The following DAPK1 variants were observed in gnomAD, a reference collection of about 807,000 sequenced individuals.
The protein encoded by DAPK1 is death associated protein kinase 1.
A neutral mutation model predicts 144.9 loss-of-function variants in DAPK1; 56 were observed. The observed-to-expected ratio is 0.39, with a 90% CI of 0.31 to 0.48. The LOEUF is 0.48. Ranked by LOEUF, DAPK1 falls within the 20% of genes least tolerant of loss-of-function variation. The pLI is 0.95. For synonymous variants in DAPK1, 690 were observed against 749.0 expected, an observed-to-expected ratio of 0.92 and a Z score of 1.29; for missense variants, 1,454 against 1,875.4, an observed-to-expected ratio of 0.78 and a Z score of 4.15.
chr9:87,630,951 A>G (rs140269781), intron 3 of DAPK1, among the ~76,000 whole-genome samples: 52 of 152,322 alleles, frequency 3.4e-4, no homozygotes, highest in African/African-American at 1.0e-3. Context: ...CTGGTTACTC[A>G]ACCCTCTCAT....
chr9:87,520,894 G>A (rs965859899), intron 2 of DAPK1, among the ~76,000 whole-genome samples: 5 of 152,140 alleles, frequency 3.3e-5, no homozygotes, highest in Admixed American at 2.0e-4. Context: ...CAAACTATGT[G>A]CACTCTTTAT....
At chr9:87,561,885 A>G (rs1826939661) in intron 2 of DAPK1, among the ~76,000 whole-genome samples, 1 of 152,102 alleles carries the variant, frequency 6.6e-6, no homozygotes, top group Admixed American at 6.6e-5. Flanking sequence ...TGCATCCACC[A>G]TGCCCAGGGT....
intron 2 of DAPK1, among the ~76,000 whole-genome samples, chr9:87,538,084 A>G (rs1187508538): frequency 3.3e-5 from 5 of 152,228 alleles, no homozygotes; most frequent in African/African-American, 1.2e-4. Flanking sequence ...TTAAAGCTAC[A>G]ATCTCAATGT....
chr9:87,533,813 C>A (rs909942676), intron 2 of DAPK1, among the ~76,000 whole-genome samples: 2 of 152,206 alleles, frequency 1.3e-5, no homozygotes, highest in Admixed American at 6.5e-5. Flanking sequence ...CAGGCATATG[C>A]CTCCATGCCC....
intron 2 of DAPK1, among the ~76,000 whole-genome samples, chr9:87,535,140 T>C (rs548335737): frequency 1.3e-5 from 2 of 152,264 alleles, no homozygotes; most frequent in East Asian, 3.9e-4. Flanking sequence ...TGTGTGTTTC[T>C]AGCCCCAGGC....
intron 2 of DAPK1, among the ~76,000 whole-genome samples, chr9:87,601,920 A>G (rs921038631): frequency 1.3e-5 from 2 of 152,136 alleles, no homozygotes; most frequent in Non-Finnish European, 2.9e-5. Flanking sequence ...GCTGCAGCAT[A>G]TGTGCATTGT....
intron 25 of DAPK1, 114 bp downstream of exon 25, chr9:87,703,331 C>T: frequency 1.6e-6 from 1 of 629,294 alleles, no homozygotes; most frequent in South Asian, 1.9e-5. Context: ...TGGAAATGGT[C>T]CAGCTAACCT....
chr9:87,589,481 A>G (rs1828052459), intron 2 of DAPK1, among the ~76,000 whole-genome samples: 1 of 152,080 alleles, frequency 6.6e-6, no homozygotes, highest in Admixed American at 6.5e-5. Flanking sequence ...GAGGGGCTGC[A>G]TTCACACCAT....
intron 2 of DAPK1, among the ~76,000 whole-genome samples, chr9:87,526,147 T>C (rs1411957472): frequency 1.3e-5 from 2 of 149,114 alleles, no homozygotes; most frequent in Admixed American, 1.3e-4. Context: ...GTCTCTACAA[T>C]TAAAAAAAAA....
intron 17 of DAPK1, among the ~76,000 whole-genome samples, chr9:87,653,983 C>G (rs763986811): frequency 4.6e-5 from 7 of 152,208 alleles, no homozygotes; most frequent in Admixed American, 1.3e-4. Context: ...CATGAGCCAT[C>G]ACACCTGGCC....
intron 2 of DAPK1, among the ~76,000 whole-genome samples, chr9:87,557,712 G>T (rs551728265): frequency 2.0e-5 from 3 of 152,202 alleles, no homozygotes; most frequent in Non-Finnish European, 2.9e-5. Flanking sequence ...AGGCCAAGGT[G>T]GGTGGATCAC....
At chr9:87,525,570 C>T in intron 2 of DAPK1, 2 of 877,006 alleles carry the variant, frequency 2.3e-6, no homozygotes, top group Non-Finnish European at 1.8e-6. Context: ...AAAACAACAA[C>T]AAAAAATGCG....
At chr9:87,559,059 CCTT>C (rs1185736014) in intron 2 of DAPK1, among the ~76,000 whole-genome samples, 5 of 152,178 alleles carry the variant, frequency 3.3e-5, no homozygotes, top group African/African-American at 9.7e-5. Context: ...GCTATCTCCT[CCTT>C]CTCCCCAACA....
intron 2 of DAPK1, among the ~76,000 whole-genome samples, chr9:87,524,737 G>A (rs1054429571): frequency 6.6e-6 from 1 of 152,214 alleles, no homozygotes; most frequent in Non-Finnish European, 1.5e-5. Context: ...AATGGCAATT[G>A]CAGTAAACCG....
chr9:87,669,771 G>T (rs369490357), intron 19 of DAPK1, among the ~76,000 whole-genome samples: 16 of 150,962 alleles, frequency 1.1e-4, no homozygotes, highest in African/African-American at 3.6e-4. Flanking sequence ...GGCAGGGGGG[G>T]GCCACAGATT....
chr9:87,665,253 T>G (rs1354028338), intron 18 of DAPK1, among the ~76,000 whole-genome samples: 3 of 152,176 alleles, frequency 2.0e-5, no homozygotes, highest in Non-Finnish European at 4.4e-5. Flanking sequence ...GGACTTTTGT[T>G]GGTTTTATTC....
intron 3 of DAPK1, among the ~76,000 whole-genome samples, chr9:87,637,360 G>A (rs920531505): frequency 6.6e-6 from 1 of 152,102 alleles, no homozygotes; most frequent in Non-Finnish European, 1.5e-5. Context: ...CCAAAGTGCT[G>A]GGATTACAGG....
At chr9:87,586,859 T>TA (rs568552468) in intron 2 of DAPK1, among the ~76,000 whole-genome samples, 6 of 152,182 alleles carry the variant, frequency 3.9e-5, no homozygotes, top group South Asian at 2.1e-4. Flanking sequence ...TAGCTAATAG[T>TA]AAAAAACCTC....
In DAPK1 at chr9:87,703,115, G is replaced by A; in HGVS notation, c.2958G>A (p.Met986Ile). ...AGCTCAATGGACCCAACCAGCTGATGTCGCTGCAGCAGTTTGTGTACGACG... is the reference window on the plus strand; with the variant it reads ...AGCTCAATGGACCCAACCAGCTGATATCGCTGCAGCAGTTTGTGTACGACG... ...WRKLNGPNQL[M>I]SLQQFVYDVQ... Residue 986 changes from methionine to isoleucine, a missense_variant, in exon 25 of 26, where the codon ATG (methionine) becomes ATA (isoleucine). By Grantham distance (10) the Met-to-Ile change is conservative (BLOSUM62 1). Around this residue, in one of 2 missense-constraint regions of DAPK1, gnomAD observed 1,025 missense variants for 1,237.9 expected, o/e 0.83. Transcript: ENST00000408954. The A allele has an allele frequency of 1.2e-6, 2 of 1,605,088 alleles. No homozygotes were observed. Among genetic ancestry groups the A allele is most frequent in the Non-Finnish European group, 1.7e-6 (2 of 1,171,744 alleles).
Sources: allele counts gnomAD v4.1 joint callset (sites outside exome capture counted in the v4.1 genomes callset), GRCh38; gene constraint gnomAD v4.1.1; regional missense constraint gnomAD v4.1.1; transcripts MANE v1.5; gene names NCBI Gene and HGNC (gene_info 2026-07-23, HGNC 2026-07-21).